CACNA1E: variants seen among roughly 807,000 people sequenced by gnomAD.
The protein encoded by CACNA1E is calcium voltage-gated channel subunit alpha1 E.
In CACNA1E, 40 loss-of-function variants were observed where a neutral mutation model predicts 259.2. That is an observed-to-expected ratio of 0.15 (90% CI 0.12 to 0.20). CACNA1E has a LOEUF of 0.20. CACNA1E is among the 10% of genes least tolerant of loss of function. CACNA1E has a pLI of 1.00. For synonymous variants in CACNA1E, 1,104 were observed against 1,138.5 expected (o/e 0.97, Z 0.61); for missense variants, 1,874 against 3,040.1 (o/e 0.62, Z 9.02).
chr1:181,774,503 C>A (rs747826897), intron 37 of CACNA1E, among the ~76,000 whole-genome samples: 2 of 152,228 alleles, frequency 1.3e-5, no homozygotes, highest in African/African-American at 4.8e-5. Context: ...GGAAGGCAGG[C>A]AGTCTGTTTA....
At chr1:181,782,480 C>A (rs2102827692) in intron 39 of CACNA1E, among the ~76,000 whole-genome samples, 1 of 152,348 alleles carries the variant, frequency 6.6e-6, no homozygotes, top group South Asian at 2.1e-4. Context: ...GTTTCCACTT[C>A]TCTAGATGTT....
At chr1:181,384,907 A>G (rs569497651) in intron 1 of CACNA1E, among the ~76,000 whole-genome samples, 17 of 152,252 alleles carry the variant, frequency 1.1e-4, no homozygotes, top group African/African-American at 3.9e-4. Flanking sequence ...AATAAAATAA[A>G]AGAAATCTTT....
rs560232198 is a variant in CACNA1E at position 181,598,497 on chromosome 1, G to T, written c.951+17721G>T. ...GGTGGAGGTATGACATTTGTGTGCC[G>T]TGTTGAGGAAGTGGCCACAATAAAG... On this transcript the variant is annotated intron_variant, in intron 6 of 47. Coordinates refer to ENST00000367573, the MANE Select transcript of CACNA1E (RefSeq NM_001205293.3). Among the ~76,000 whole-genome samples, 40 of 152,272 alleles carry T rather than the reference G, an allele frequency of 2.6e-4. No homozygotes were observed. In the South Asian group the frequency reaches 3.9e-3, roughly 15 times the overall value.
Position 181,717,189 on chromosome 1 carries a change from A to G in CACNA1E, c.1412A>G (p.His471Arg). 2 of 1,614,034 alleles carry G rather than the reference A, an allele frequency of 1.2e-6. No homozygotes were observed. The highest frequency in any genetic ancestry group is 1.7e-6 in the Non-Finnish European group (2 of 1,179,880). ...AGGCTTCTGCGCATCTCCATTCGCC[A>G]CATGGTTAAATCCCAGGTGTTTTAC... ...KERLLRISIR[H>R]MVKSQVFYWI... is the part of the protein sequence containing the mutation. The change falls in exon 11 of 48, where the codon CAC becomes CGC. Residue 471 changes from histidine to arginine, a missense_variant. Physicochemically the swap from His to Arg is conservative, Grantham distance 29. Around this residue, in one of 14 missense-constraint regions of CACNA1E, gnomAD observed 157 missense variants for 203.5 expected, o/e 0.77. Coordinates refer to ENST00000367573, the MANE Select transcript of CACNA1E (RefSeq NM_001205293.3).
At chr1:181,743,671 A>G (rs1482781550) in intron 25 of CACNA1E, among the ~76,000 whole-genome samples, 1 of 152,112 alleles carries the variant, frequency 6.6e-6, no homozygotes, top group Non-Finnish European at 1.5e-5. Context: ...GGACCAGGAC[A>G]CCTGTGCGTG....
At chr1:181,419,641 T>A (rs1258787508) in intron 2 of CACNA1E, among the ~76,000 whole-genome samples, 3 of 152,234 alleles carry the variant, frequency 2.0e-5, no homozygotes, top group African/African-American at 4.8e-5. Context: ...ACCTTCAGGG[T>A]CCAAAACAGT....
intron 3 of CACNA1E, among the ~76,000 whole-genome samples, chr1:181,553,862 G>A (rs139886955): frequency 6.6e-6 from 1 of 152,264 alleles, no homozygotes; most frequent in African/African-American, 2.4e-5. Flanking sequence ...CGACTTGATC[G>A]TGGTGGATAA....
intron 15 of CACNA1E, among the ~76,000 whole-genome samples, chr1:181,721,260 C>T (rs561653220): frequency 2.6e-5 from 4 of 152,212 alleles, no homozygotes; most frequent in Admixed American, 6.5e-5. Flanking sequence ...AAAACTCAAC[C>T]GTTTAAATCA....
chr1:181,424,855 CAG>C (rs149590662), intron 2 of CACNA1E, among the ~76,000 whole-genome samples: 4,052 of 152,168 alleles, frequency 0.027, 184 homozygotes, highest in African/African-American at 0.092. Flanking sequence ...GTGGTACCAT[CAG>C]AGTCTCCTCC....
rs78985704 is a variant in CACNA1E, at chr1:181,710,559, A to C, written c.1056-395A>C. 7.5e-3 allele frequency among the ~76,000 whole-genome samples: 1,138 copies of C among 150,792 alleles called. 17 individuals are homozygous for C. Among genetic ancestry groups the C allele is most frequent in the African/African-American group, 0.026 (1,062 of 41,302 alleles). ...AGGGCCAACACATCATAATTGGTCA[A>C]TATACGTTAATCACTATTGTTATCA... On this transcript the variant is annotated intron_variant, in intron 7 of 47. Transcript: ENST00000367573.
At chr1:181,375,287 T>C (rs938833680) in intron 1 of CACNA1E, among the ~76,000 whole-genome samples, 1 of 152,220 alleles carries the variant, frequency 6.6e-6, no homozygotes, top group Non-Finnish European at 1.5e-5. Flanking sequence ...TTTGTTAATT[T>C]TTTCAAGAAA....
At chr1:181,550,184 G>T (rs1483601189) in intron 3 of CACNA1E, among the ~76,000 whole-genome samples, 1 of 152,112 alleles carries the variant, frequency 6.6e-6, no homozygotes, top group Admixed American at 6.5e-5. Context: ...AATACTTAGG[G>T]GTCTTTAAAC....
chr1:181,650,153 C>G (rs971071738), intron 6 of CACNA1E, among the ~76,000 whole-genome samples: 14 of 152,056 alleles, frequency 9.2e-5, no homozygotes, highest in African/African-American at 2.7e-4. Context: ...TCACAGAAGT[C>G]CACAGGAAGC....
Position 181,486,813 on chromosome 1 carries a change from GTCTTAGT to G in CACNA1E, c.266+2806_266+2812del, listed in dbSNP as rs376125372. ...TTCAGCGTGCCTGAAGTGGGGAGGG[GTCTTAGT>G]TCAGGTGAAGTCCTCTAGATTCTTG... On this transcript the variant is annotated intron_variant, in intron 1 of 47. Transcript: ENST00000367573. 6.5e-3 allele frequency among the ~76,000 whole-genome samples: 989 copies of G among 152,238 alleles called. 7 individuals carry two copies. Among genetic ancestry groups the G allele is most frequent in the African/African-American group, 0.022 (912 of 41,550 alleles).
At chr1:181,625,585 A>G (rs1337701389) in intron 6 of CACNA1E, among the ~76,000 whole-genome samples, 1 of 152,114 alleles carries the variant, frequency 6.6e-6, no homozygotes, top group Admixed American at 6.5e-5. Context: ...TCTCACCTTT[A>G]TTAGCCTTCA....
At chr1:181,672,485 CTG>C (rs1648911173) in intron 7 of CACNA1E, among the ~76,000 whole-genome samples, 1 of 152,182 alleles carries the variant, frequency 6.6e-6, no homozygotes, top group Admixed American at 6.5e-5. Context: ...GAAACCAAGA[CTG>C]TGCTTTTATT....
chr1:181,526,578 T>G (rs1667375691), intron 3 of CACNA1E, among the ~76,000 whole-genome samples: 2 of 152,212 alleles, frequency 1.3e-5, no homozygotes, highest in Non-Finnish European at 2.9e-5. Flanking sequence ...GAACAATAGA[T>G]TATTGGTTTT....
intron 1 of CACNA1E, among the ~76,000 whole-genome samples, chr1:181,503,224 TCTCAGTCGG>T (rs1176736942): frequency 1.3e-5 from 2 of 152,252 alleles, no homozygotes; most frequent in Admixed American, 1.3e-4. Flanking sequence ...GATGTATCTT[TCTCAGTCGG>T]CTCAGACGAG....
intron 1 of CACNA1E, among the ~76,000 whole-genome samples, chr1:181,369,075 A>C (rs954547757): frequency 4.6e-5 from 7 of 152,270 alleles, no homozygotes; most frequent in African/African-American, 1.7e-4. Flanking sequence ...TGTGGAAGAG[A>C]GTAGACTCTT....
Sources: gnomAD v4.1 joint callset for allele counts (sites outside exome capture counted in the v4.1 genomes callset) on GRCh38, gnomAD v4.1.1 for gene constraint, gnomAD v4.1.1 regional missense constraint, MANE v1.5 for transcripts, NCBI Gene and HGNC (gene_info 2026-07-23, HGNC 2026-07-21) for gene names.